The following RBFOX1 variants were observed in gnomAD, a reference collection of about 807,000 sequenced individuals.
RBFOX1 encodes RNA binding fox-1 homolog 1.
RBFOX1 carries 8 observed loss-of-function variants against 57.7 expected under a neutral mutation model. The ratio of observed to expected loss-of-function variants is 0.14; its 90% CI spans 0.08 to 0.25. The LOEUF is 0.25. Among genes scored for constraint, RBFOX1 ranks in the 10% least tolerant of loss-of-function variants. The probability of loss-of-function intolerance (pLI) is 1.00; values close to 1 mark genes in which losing one functional copy is unlikely to be tolerated. For synonymous variants in RBFOX1, 326 were observed against 222.4 expected, an observed-to-expected ratio of 1.47 and a Z score of -4.15; for missense variants, 611 against 548.5, an observed-to-expected ratio of 1.11 and a Z score of -1.14.
chr16:6,083,046 G>C (rs2096029773), intron 1 of RBFOX1, among the ~76,000 whole-genome samples: 1 of 151,982 alleles, frequency 6.6e-6, no homozygotes, highest in South Asian at 2.1e-4. Flanking sequence ...CTGTCACCCA[G>C]GCTGGAGTGC....
At chr16:6,742,583 A>G (rs1297565442) in intron 3 of RBFOX1, among the ~76,000 whole-genome samples, 1 of 152,184 alleles carries the variant, frequency 6.6e-6, no homozygotes, top group African/African-American at 2.4e-5. Context: ...GAAACAACCA[A>G]AATATCTACA....
intron 3 of RBFOX1, among the ~76,000 whole-genome samples, chr16:6,674,302 G>C (rs1273725509): frequency 6.6e-6 from 1 of 151,936 alleles, no homozygotes; most frequent in African/African-American, 2.4e-5. Context: ...ACCAATGACT[G>C]GGTTCTTTAT....
chr16:6,976,075 C>G (rs1217553166), intron 3 of RBFOX1, among the ~76,000 whole-genome samples: 1 of 152,096 alleles, frequency 6.6e-6, no homozygotes, highest in Non-Finnish European at 1.5e-5. Flanking sequence ...TTCAATGAGC[C>G]AAGATCGTCC....
At chr16:7,198,707 C>T (rs866996270) in intron 4 of RBFOX1, among the ~76,000 whole-genome samples, 4 of 152,290 alleles carry the variant, frequency 2.6e-5, no homozygotes, top group Admixed American at 6.5e-5. Context: ...CACATGATAA[C>T]TAACTCACTG....
At chr16:7,192,933 A>G (rs531976451) in intron 4 of RBFOX1, among the ~76,000 whole-genome samples, 3 of 152,350 alleles carry the variant, frequency 2.0e-5, no homozygotes, top group African/African-American at 7.2e-5. Flanking sequence ...TAAAAAGCAG[A>G]GAGAAAGATC....
chr16:6,543,412 T>C (rs796209675), intron 2 of RBFOX1, among the ~76,000 whole-genome samples: 13 of 152,234 alleles, frequency 8.5e-5, no homozygotes, highest in African/African-American at 3.1e-4. Context: ...CGCACCTTTA[T>C]TGGGTTGGCC....
At chr16:7,708,308 TCTC>T (rs2083167214) in intron 14 of RBFOX1, among the ~76,000 whole-genome samples, 2 of 152,264 alleles carry the variant, frequency 1.3e-5, no homozygotes, top group African/African-American at 4.8e-5. Context: ...TTCCATCTCT[TCTC>T]CATTTTTATC....
chr16:5,354,634 T>A (rs1054966180), intron 1 of RBFOX1, among the ~76,000 whole-genome samples: 1 of 152,250 alleles, frequency 6.6e-6, no homozygotes, highest in African/African-American at 2.4e-5. Context: ...CAGAGTGCTG[T>A]CTGCCCAGCT....
chr16:5,709,835 ATATATATATTTTTTTTTTTTTTTT>A (rs1462010085), intron 3 of RBFOX1, among the ~76,000 whole-genome samples: 5 of 6,214 alleles, frequency 8.0e-4, no homozygotes, highest in Non-Finnish European at 2.0e-3. Flanking sequence ...ATATATATAT[ATATATATATTTTTTTTTTTTTTTT>A]TTTTTTTTTT....
intron 1 of RBFOX1, among the ~76,000 whole-genome samples, chr16:6,047,615 G>C (rs1008972650): frequency 1.3e-5 from 2 of 152,172 alleles, no homozygotes; most frequent in Admixed American, 6.5e-5. Context: ...GGGATGACTT[G>C]CTCACAGACC....
intron 3 of RBFOX1, among the ~76,000 whole-genome samples, chr16:6,842,623 A>G (rs2093541612): frequency 1.6e-5 from 2 of 127,206 alleles, no homozygotes; most frequent in South Asian, 5.3e-4. Context: ...GCTGACAGAC[A>G]TTTAGACTGT....
intron 2 of RBFOX1, among the ~76,000 whole-genome samples, chr16:5,558,456 A>C (rs1316813154): frequency 6.6e-6 from 1 of 152,066 alleles, no homozygotes; most frequent in Non-Finnish European, 1.5e-5. Flanking sequence ...CAGCCCTGTC[A>C]CACATCCTGC....
At chr16:6,744,255 A>C (rs374734004) in intron 3 of RBFOX1, among the ~76,000 whole-genome samples, 7 of 152,126 alleles carry the variant, frequency 4.6e-5, no homozygotes, top group East Asian at 3.8e-4. Context: ...GAAATAGCCA[A>C]ATATTTCAGT....
intron 3 of RBFOX1, among the ~76,000 whole-genome samples, chr16:5,621,223 C>T (rs1479331602): frequency 1.3e-5 from 2 of 152,106 alleles, no homozygotes; most frequent in African/African-American, 4.8e-5. Context: ...GGGATCTTCC[C>T]ACCTCAACCT....
intron 3 of RBFOX1, among the ~76,000 whole-genome samples, chr16:7,001,972 C>A (rs1418299092): frequency 6.6e-6 from 1 of 152,044 alleles, no homozygotes; most frequent in Non-Finnish European, 1.5e-5. Context: ...CACGATTGAG[C>A]ACGTGAGTGA....
rs1484194598 is a variant in RBFOX1, at chr16:7,399,284, C to G, written c.28-118863C>G. On this transcript the variant is annotated intron_variant, in intron 4 of 15. Coordinates refer to ENST00000550418, the MANE Select transcript of RBFOX1 (RefSeq NM_018723.4). ...CCAACACGGAGAAACCCCATCTCTACTAAAAATACAAAATTAGCCAAGTGC... is the reference window on the plus strand; with the variant it reads ...CCAACACGGAGAAACCCCATCTCTAGTAAAAATACAAAATTAGCCAAGTGC... Among the ~76,000 whole-genome samples the G allele has an allele frequency of 3.4e-5, 5 of 146,862 alleles. No individual in the cohort carries two copies. The East Asian group carries it at 9.7e-4, about 28-fold the overall frequency.
chr16:7,070,999 C>T (rs2057222076), intron 4 of RBFOX1, among the ~76,000 whole-genome samples: 1 of 152,148 alleles, frequency 6.6e-6, no homozygotes, highest in Non-Finnish European at 1.5e-5. Context: ...GTCAAGTTGT[C>T]CTCAAGCTAC....
chr16:6,534,282 T>C (rs1159302152), intron 2 of RBFOX1, among the ~76,000 whole-genome samples: 2 of 151,920 alleles, frequency 1.3e-5, no homozygotes, highest in East Asian at 3.9e-4. Context: ...TGTGTGTGCA[T>C]ATGCGTATGT....
chr16:6,458,960 A>C (rs1444303063), intron 2 of RBFOX1, among the ~76,000 whole-genome samples: 1 of 152,192 alleles, frequency 6.6e-6, no homozygotes, highest in Non-Finnish European at 1.5e-5. Flanking sequence ...ATGTGCCCAC[A>C]CTTCCCAGTA....
Sources: allele counts gnomAD v4.1 joint callset (sites outside exome capture counted in the v4.1 genomes callset), GRCh38; gene constraint gnomAD v4.1.1; transcripts MANE v1.5; gene names NCBI Gene and HGNC (gene_info 2026-07-23, HGNC 2026-07-21).